The following CLMN variants were observed in gnomAD, a reference collection of about 807,000 sequenced individuals.
CLMN encodes calmin (calponin-like, transmembrane).
A neutral mutation model predicts 92.7 loss-of-function variants in CLMN; 57 were observed. That is an observed-to-expected ratio of 0.61 (90% CI 0.50 to 0.77). CLMN has a LOEUF of 0.77. Ranked by LOEUF, CLMN falls within the 30% of genes least tolerant of loss-of-function variation. CLMN has a pLI of 0.00. For missense variants in CLMN, 1,158 were observed against 1,237.5 expected (o/e 0.94, Z 0.96); for synonymous variants, 466 against 470.6 (o/e 0.99, Z 0.13).
At chr14:95,298,879 A>G (rs1178837397) in intron 1 of CLMN, among the ~76,000 whole-genome samples, 5 of 152,194 alleles carry the variant, frequency 3.3e-5, no homozygotes, top group Non-Finnish European at 5.9e-5. Context: ...AGGTTGTCCG[A>G]TCCAGGTTCT....
At chr14:95,267,743 C>T (rs1595077497) in intron 1 of CLMN, among the ~76,000 whole-genome samples, 3 of 152,164 alleles carry the variant, frequency 2.0e-5, no homozygotes, top group Non-Finnish European at 4.4e-5. Flanking sequence ...CAGCACTATT[C>T]ACAATAGCCA....
At chr14:95,283,281 C>T (rs1365378236) in intron 1 of CLMN, among the ~76,000 whole-genome samples, 1 of 152,190 alleles carries the variant, frequency 6.6e-6, no homozygotes, top group Non-Finnish European at 1.5e-5. Context: ...TGCCTTTCAC[C>T]TTCCGCCACG....
chr14:95,317,990 C>G (rs1901869760), intron 1 of CLMN, among the ~76,000 whole-genome samples: 1 of 152,168 alleles, frequency 6.6e-6, no homozygotes, highest in Non-Finnish European at 1.5e-5. Context: ...ACCCAACCTC[C>G]AGGACCCATC....
intron 8 of CLMN, among the ~76,000 whole-genome samples, chr14:95,205,999 G>C (rs1449299458): frequency 6.6e-6 from 1 of 152,096 alleles, no homozygotes; most frequent in Non-Finnish European, 1.5e-5. Context: ...TTAAATGACA[G>C]AGTTTGTCAG....
intron 1 of CLMN, among the ~76,000 whole-genome samples, chr14:95,272,945 T>C (rs2140724781): frequency 6.6e-6 from 1 of 152,312 alleles, no homozygotes; most frequent in Non-Finnish European, 1.5e-5. Context: ...CTCCCTTCCA[T>C]CCCTCTCTGC....
intron 1 of CLMN, among the ~76,000 whole-genome samples, chr14:95,319,433 G>C (rs903479367): frequency 2.2e-4 from 33 of 152,264 alleles, no homozygotes; most frequent in African/African-American, 7.9e-4. Context: ...GTGACTGGAG[G>C]GGGTGGTGAC....
rs1566864688 is a variant in CLMN at position 95,204,264 on chromosome 14, A to G, written c.1085T>C (p.Phe362Ser). 6.2e-7 allele frequency: 1 copy of G among 1,614,040 alleles called. No individual in the cohort carries two copies. The highest frequency in any genetic ancestry group is 1.1e-5 in the South Asian group (1 of 91,074). Residue 362 changes from phenylalanine to serine, a missense_variant, in exon 9 of 13, where the codon TTC becomes TCC. Coordinates refer to ENST00000298912, the MANE Select transcript of CLMN (RefSeq NM_024734.4). ...VCDKPESMKE[F>S]RLDGVSSHAL... ...ATGGCTGGAAACACCATCCAGGCGG[A>G]ATTCCTTCATGCTCTCGGGCTTGTC...
intron 4 of CLMN, 82 bp from the exon 5 acceptor site, chr14:95,215,815 C>CTGTGTGTG (rs57063101): frequency 6.1e-4 from 348 of 571,774 alleles, no homozygotes; most frequent in Non-Finnish European, 8.3e-4. Context: ...CTCTCTCTCT[C>CTGTGTGTG]TGTGTGTGTG....
chr14:95,281,235 G>A (rs1900134582), intron 1 of CLMN, among the ~76,000 whole-genome samples: 1 of 152,128 alleles, frequency 6.6e-6, no homozygotes, highest in Admixed American at 6.5e-5. Flanking sequence ...CCATGGCTGG[G>A]TTCAAGGCTT....
At chr14:95,237,273 G>T (rs530764680) in intron 1 of CLMN, among the ~76,000 whole-genome samples, 1 of 152,208 alleles carries the variant, frequency 6.6e-6, no homozygotes, top group African/African-American at 2.4e-5. Context: ...AGTGCCTTTC[G>T]CAATCCTCAC....
chr14:95,227,095 C>T (rs532091218), intron 2 of CLMN, among the ~76,000 whole-genome samples: 7 of 152,140 alleles, frequency 4.6e-5, no homozygotes, highest in Non-Finnish European at 8.8e-5. Flanking sequence ...CTGAGGCCAA[C>T]GGGAGGGTGG....
chr14:95,302,451 C>T (rs1178097405), intron 1 of CLMN, among the ~76,000 whole-genome samples: 1 of 151,914 alleles, frequency 6.6e-6, no homozygotes, highest in Non-Finnish European at 1.5e-5. Flanking sequence ...TCCAGTAGCC[C>T]TGTTATATAT....
At chr14:95,314,249 A>G (rs1232014996) in intron 1 of CLMN, among the ~76,000 whole-genome samples, 2 of 152,212 alleles carry the variant, frequency 1.3e-5, no homozygotes, top group African/African-American at 4.8e-5. Flanking sequence ...ACAGCCAAGG[A>G]CAAGCCAAGA....
rs1203616329 is a variant in CLMN at position 95,186,921 on chromosome 14, C to G, written c.*4643G>C. On this transcript the variant is annotated 3_prime_UTR_variant, in exon 13 of 13. Coordinates refer to ENST00000298912, the MANE Select transcript of CLMN (RefSeq NM_024734.4). ...TAAAGAAAACCTAGAACCCAGACCA[C>G]CACATAGACTATATCTTTGGGGAGG... 6.6e-6 allele frequency: 1 copy of G among 152,152 alleles called. No individual in the cohort carries two copies. The highest frequency in any genetic ancestry group is 1.9e-4 in the East Asian group (1 of 5,182). 9.4% of individuals were successfully genotyped at this position (152,152 alleles called of 1,614,324 possible).
intron 1 of CLMN, among the ~76,000 whole-genome samples, chr14:95,244,620 G>A (rs1266861351): frequency 6.6e-6 from 1 of 152,194 alleles, no homozygotes; most frequent in Non-Finnish European, 1.5e-5. Flanking sequence ...CAGTACAATG[G>A]AAGGTTTTGT....
At position 95,193,857 on chromosome 14, in the gene CLMN, T is replaced by C. The variant is rs1264588828; in HGVS notation, c.2832A>G (p.Ile944Met). The change falls in exon 12 of 13, where the codon ATA becomes ATG. Residue 944 changes from isoleucine to methionine, a missense_variant. Coordinates refer to ENST00000298912, the MANE Select transcript of CLMN (RefSeq NM_024734.4). The part of the protein sequence containing the change: ...AADLDDRRNR[I>M]LTRKANSSGE... ...GAAGTAAAGCCACCAACCTGGTTAA[T>C]ATTCGGTTTCTTCTGTCATCCAGAT... 1.2e-6 allele frequency: 2 copies of C among 1,614,150 alleles called. No individual in the cohort carries two copies. Among genetic ancestry groups the C allele is most frequent in the Non-Finnish European group, 1.7e-6 (2 of 1,180,022 alleles).
At chr14:95,257,776 A>G (rs931490123) in intron 1 of CLMN, among the ~76,000 whole-genome samples, 6 of 152,214 alleles carry the variant, frequency 3.9e-5, no homozygotes, top group African/African-American at 1.4e-4. Flanking sequence ...TCCCAGTCCC[A>G]GTTGGACTGA....
In CLMN at chr14:95,194,289, G is replaced by A; in HGVS notation, c.2769+247C>T. 7.8e-6 allele frequency: 11 copies of A among 1,409,152 alleles called. No homozygotes were observed. Among genetic ancestry groups the A allele is most frequent in the Non-Finnish European group, 9.2e-6 (10 of 1,086,204 alleles). The allele number at this position is 1,409,152 out of a possible 1,614,324, so 87.3% of individuals were successfully genotyped here. ...CGCGGGGTCCAGGTGAGGCGTTTTG[G>A]GTGCGTTTTTATAGCAAGGAGGCCT... On this transcript the variant is annotated intron_variant, in intron 11 of 12. Transcript: ENST00000298912. This position sits in a 1 kb window ranked among gnomAD's most constrained non-coding sequence, Gnocchi z 4.0.
chr14:95,193,127 G>A (rs1204301782), intron 12 of CLMN: 3 of 548,010 alleles, frequency 5.5e-6, no homozygotes, highest in Non-Finnish European at 9.6e-6. Flanking sequence ...ATTCAAATCT[G>A]TGGCGAGTAA....
Sources: allele counts gnomAD v4.1 joint callset (sites outside exome capture counted in the v4.1 genomes callset), GRCh38; gene constraint gnomAD v4.1.1; non-coding constraint Gnocchi (gnomAD v3.1); transcripts MANE v1.5; gene names NCBI Gene and HGNC (gene_info 2026-07-23, HGNC 2026-07-21).